VRK2: variants seen among roughly 807,000 people sequenced by gnomAD.
VRK2 encodes the protein VRK serine/threonine kinase 2.
Under a neutral mutation model 57.6 loss-of-function variants are expected in VRK2, and 60 were observed. That is an observed-to-expected ratio of 1.04 (90% CI 0.85 to 1.29). VRK2 has a LOEUF of 1.29. VRK2 is among the 50% of genes most tolerant of loss of function. The pLI is 0.00. For missense variants in VRK2, 705 were observed against 588.1 expected (o/e 1.20, Z -2.06); for synonymous variants, 231 against 199.2 (o/e 1.16, Z -1.35).
chr2:58,131,016 T>C (rs1165138468), intron 8 of VRK2, among the ~76,000 whole-genome samples: 2 of 152,012 alleles, frequency 1.3e-5, no homozygotes, highest in African/African-American at 2.4e-5. Flanking sequence ...TAGGTTGATA[T>C]AAAATGATAC....
intron 7 of VRK2, among the ~76,000 whole-genome samples, chr2:58,112,132 A>G (rs947872613): frequency 6.6e-6 from 1 of 152,204 alleles, no homozygotes; most frequent in Non-Finnish European, 1.5e-5. Context: ...AAAAAAGAGA[A>G]TGGAATTTGG....
At position 57,981,714 on chromosome 2, in the gene VRK2, C is replaced by G. The variant is rs980695743; in HGVS notation, c.-438-43951C>G. 3.3e-5 allele frequency among the ~76,000 whole-genome samples: 5 copies of G among 152,186 alleles called. No individual in the cohort carries two copies. In the South Asian group the frequency reaches 6.2e-4, roughly 19 times the overall value. ...GGTTTCTTTACATAATCCCATATTTCTTGGAGATTTTATTCAATTTCCAGA... is the reference window on the plus strand; with the variant it reads ...GGTTTCTTTACATAATCCCATATTTGTTGGAGATTTTATTCAATTTCCAGA... On this transcript the variant is annotated intron_variant, in intron 1 of 15. Transcript: ENST00000417641.
At chr2:58,089,755 C>G (rs1672113356) in intron 7 of VRK2, 32 bp downstream of exon 7, 2 of 1,461,206 alleles carry the variant, frequency 1.4e-6, no homozygotes, top group East Asian at 2.3e-5. Context: ...TAATAAAGGT[C>G]TTTAATGTAT....
At chr2:57,926,902 A>G (rs1670556598) in intron 1 of VRK2, among the ~76,000 whole-genome samples, 1 of 147,716 alleles carries the variant, frequency 6.8e-6, no homozygotes, top group South Asian at 2.2e-4. Flanking sequence ...CCATTTTGTT[A>G]TTTGTTTTCC....
At chr2:58,097,453 T>C (rs953269197) in intron 7 of VRK2, among the ~76,000 whole-genome samples, 3 of 152,164 alleles carry the variant, frequency 2.0e-5, no homozygotes, top group African/African-American at 4.8e-5. Context: ...GTAATTTTTA[T>C]TGTAGTACTT....
chr2:58,068,845 G>C (rs1208413559), intron 2 of VRK2, among the ~76,000 whole-genome samples: 2 of 146,860 alleles, frequency 1.4e-5, no homozygotes, highest in Non-Finnish European at 3.0e-5. Context: ...ACTCGGTTAT[G>C]TATCTTTTAG....
chr2:58,038,664 C>T (rs1258311135), intron 3 of VRK2, among the ~76,000 whole-genome samples: 1 of 152,132 alleles, frequency 6.6e-6, no homozygotes, highest in Admixed American at 6.6e-5. Context: ...TTTGTCTAGT[C>T]ACTTCTCCAT....
intron 1 of VRK2, among the ~76,000 whole-genome samples, chr2:57,965,258 T>G (rs915196636): frequency 6.6e-6 from 1 of 152,218 alleles, no homozygotes; most frequent in Non-Finnish European, 1.5e-5. Flanking sequence ...GGGTGAGTCC[T>G]GGAGATATTT....
intron 1 of VRK2, among the ~76,000 whole-genome samples, chr2:57,910,382 A>C (rs1170131628): frequency 3.3e-5 from 5 of 152,208 alleles, no homozygotes; most frequent in Non-Finnish European, 4.4e-5. Flanking sequence ...TCAGCTTTGA[A>C]AATAAGTAAA....
At chr2:57,933,132 G>A (rs766608269) in intron 1 of VRK2, among the ~76,000 whole-genome samples, 1 of 151,914 alleles carries the variant, frequency 6.6e-6, no homozygotes, top group Non-Finnish European at 1.5e-5. Flanking sequence ...TGCCTAAGAA[G>A]AATATGTATT....
intron 1 of VRK2, among the ~76,000 whole-genome samples, chr2:57,960,092 G>A (rs1422549972): frequency 6.6e-6 from 1 of 151,516 alleles, no homozygotes; most frequent in Non-Finnish European, 1.5e-5. Context: ...GCTGGGGGGA[G>A]AAAAGCAAAG....
intron 8 of VRK2, among the ~76,000 whole-genome samples, chr2:58,124,076 G>A (rs1490528536): frequency 6.6e-6 from 1 of 152,138 alleles, no homozygotes; most frequent in African/African-American, 2.4e-5. Context: ...TACATACATA[G>A]TCCTTTTATT....
chr2:58,090,145 C>T (rs965187827), intron 7 of VRK2, among the ~76,000 whole-genome samples: 1 of 152,062 alleles, frequency 6.6e-6, no homozygotes, highest in Non-Finnish European at 1.5e-5. Flanking sequence ...CCTGTAATCC[C>T]AGCACTTTGA....
chr2:58,067,367 C>T (rs1668748839), intron 2 of VRK2, among the ~76,000 whole-genome samples: 1 of 152,128 alleles, frequency 6.6e-6, no homozygotes, highest in African/African-American at 2.4e-5. Context: ...CATCTATATA[C>T]ATCTATTAAT....
At chr2:58,023,333 C>T (rs1010914151) in intron 1 of VRK2, among the ~76,000 whole-genome samples, 1 of 152,082 alleles carries the variant, frequency 6.6e-6, no homozygotes, top group South Asian at 2.1e-4. Flanking sequence ...AGTGATATTC[C>T]ATTGTGTGTA....
upstream of VRK2, among the ~76,000 whole-genome samples, chr2:58,041,726 A>C (rs540788803): frequency 2.6e-5 from 4 of 152,298 alleles, no homozygotes; most frequent in African/African-American, 9.6e-5. Flanking sequence ...GCATCTTTTT[A>C]AGTCTGATAA....
intron 1 of VRK2, among the ~76,000 whole-genome samples, chr2:57,958,741 C>T (rs897221484): frequency 3.9e-5 from 6 of 152,034 alleles, no homozygotes; most frequent in East Asian, 1.9e-4. Context: ...ATGTATTCAA[C>T]GAACAGACCA....
chr2:58,058,501 C>T, intron 2 of VRK2: 1 of 449,966 alleles, frequency 2.2e-6, no homozygotes, highest in Non-Finnish European at 4.6e-6. Flanking sequence ...ATTCTGAGTG[C>T]CACCTAATGA....
chr2:58,007,858 TACA>T (rs1258847355), intron 1 of VRK2, among the ~76,000 whole-genome samples: 2 of 152,138 alleles, frequency 1.3e-5, no homozygotes, highest in African/African-American at 4.8e-5. Context: ...TTTTCGTAAA[TACA>T]ACATTTCTAA....
Sources: gnomAD v4.1 joint callset for allele counts (sites outside exome capture counted in the v4.1 genomes callset) on GRCh38, gnomAD v4.1.1 for gene constraint, MANE v1.5 for transcripts, NCBI Gene and HGNC (gene_info 2026-07-23, HGNC 2026-07-21) for gene names.